VIT: variants seen among roughly 807,000 people sequenced by gnomAD.
VIT encodes vitrin.
In VIT, 99 loss-of-function variants were observed where a neutral mutation model predicts 78.0. The observed-to-expected ratio is 1.27, with a 90% CI of 1.08 to 1.50. The LOEUF is 1.50. VIT is among the 40% of genes most tolerant of loss of function. The pLI is 0.00. For synonymous variants in VIT, 374 were observed against 334.3 expected, an observed-to-expected ratio of 1.12 and a Z score of -1.29; for missense variants, 1,126 against 875.3, an observed-to-expected ratio of 1.29 and a Z score of -3.61.
chr2:36,792,117 A>T (rs1665544356), intron 12 of VIT, among the ~76,000 whole-genome samples: 1 of 152,066 alleles, frequency 6.6e-6, no homozygotes, highest in Non-Finnish European at 1.5e-5. Flanking sequence ...CCTGCCTCAG[A>T]CCTATTAAAC....
chr2:36,699,975 C>T (rs145272356), intron 1 of VIT, among the ~76,000 whole-genome samples: 3 of 151,928 alleles, frequency 2.0e-5, no homozygotes, highest in Non-Finnish European at 4.4e-5. Flanking sequence ...GCCTACCCCA[C>T]AGAGCTGTGG....
Position 36,716,403 on chromosome 2 carries a change from T to G in VIT, c.33T>G (p.Ser11=). 1 of 1,614,032 alleles carries G rather than the reference T, an allele frequency of 6.2e-7. No individual in the cohort carries two copies. Among genetic ancestry groups the G allele is most frequent in the Non-Finnish European group, 8.5e-7 (1 of 1,179,922 alleles). The change falls in exon 2 of 16, where the codon TCT becomes TCG. Residue 11 remains serine, a synonymous_variant. Transcript: ENST00000379242. MRTVVLTMKA[S]VIEMFLVLLV... Reference sequence around the variant, plus strand: ...CTGTTGTTCTCACTATGAAGGCATCTGTTATTGAAATGTTCCTTGGTAAGT... The same window carrying G: ...CTGTTGTTCTCACTATGAAGGCATCGGTTATTGAAATGTTCCTTGGTAAGT...
chr2:36,814,119 A>C (rs1368743864), intron 15 of VIT, 64 bp from the exon 16 acceptor site: 2 of 1,571,646 alleles, frequency 1.3e-6, no homozygotes, highest in East Asian at 4.5e-5. Context: ...CCACAAGAAG[A>C]GAGAGATTCT....
At chr2:36,759,892 T>C (rs985747469) in intron 6 of VIT, among the ~76,000 whole-genome samples, 2 of 152,216 alleles carry the variant, frequency 1.3e-5, no homozygotes, top group African/African-American at 4.8e-5. Flanking sequence ...CGGCCTATAC[T>C]ATTACTCTGG....
chr2:36,728,484 A>C (rs1248546099), intron 2 of VIT, among the ~76,000 whole-genome samples: 1 of 152,118 alleles, frequency 6.6e-6, no homozygotes, highest in African/African-American at 2.4e-5. Context: ...TATAAGGTGA[A>C]AAAGATACAG....
At chr2:36,699,028 A>T (rs1161849970) in intron 1 of VIT, among the ~76,000 whole-genome samples, 1 of 152,026 alleles carries the variant, frequency 6.6e-6, no homozygotes, top group African/African-American at 2.4e-5. Context: ...TTTAGAAAGC[A>T]TTTATATAAT....
intron 11 of VIT, among the ~76,000 whole-genome samples, chr2:36,784,218 G>A (rs955364994): frequency 6.6e-6 from 1 of 152,224 alleles, no homozygotes; most frequent in African/African-American, 2.4e-5. Context: ...GAAAGCACCT[G>A]CATATTCCGC....
chr2:36,794,743 T>G (rs1209026380), intron 12 of VIT, among the ~76,000 whole-genome samples: 2 of 152,146 alleles, frequency 1.3e-5, no homozygotes, highest in African/African-American at 2.4e-5. Context: ...CAGAAAGGGT[T>G]TCAGAGGTCC....
chr2:36,718,934 A>G (rs7562591), intron 2 of VIT, among the ~76,000 whole-genome samples: 8,718 of 152,282 alleles, frequency 0.057, 815 homozygotes, highest in African/African-American at 0.2. Context: ...ATTCTAACAT[A>G]CAAGTTAGTA....
At chr2:36,778,344 G>A (rs896163369) in intron 9 of VIT, among the ~76,000 whole-genome samples, 1 of 152,258 alleles carries the variant, frequency 6.6e-6, no homozygotes, top group Non-Finnish European at 1.5e-5. Context: ...CTGGGAGTTG[G>A]GGCAGGCTAC....
At chr2:36,796,658 G>T (rs531815493) in intron 12 of VIT, among the ~76,000 whole-genome samples, 9 of 151,342 alleles carry the variant, frequency 5.9e-5, no homozygotes, top group South Asian at 2.1e-4. Flanking sequence ...GTTGTTGTTT[G>T]TTTGTGTTTG....
chr2:36,732,558 T>C (rs544024191), intron 3 of VIT, among the ~76,000 whole-genome samples: 1 of 152,302 alleles, frequency 6.6e-6, no homozygotes, highest in East Asian at 1.9e-4. Flanking sequence ...TTCAACACTG[T>C]CAGTCTGCTG....
chr2:36,737,991 C>T (rs1667610408), intron 3 of VIT, among the ~76,000 whole-genome samples: 1 of 152,164 alleles, frequency 6.6e-6, no homozygotes, highest in Non-Finnish European at 1.5e-5. Flanking sequence ...GTAGACTCTA[C>T]CCTGGCAATT....
intron 2 of VIT, among the ~76,000 whole-genome samples, chr2:36,727,966 T>C (rs758160486): frequency 6.6e-6 from 1 of 152,220 alleles, no homozygotes; most frequent in Non-Finnish European, 1.5e-5. Flanking sequence ...TCTCACTCTG[T>C]CGCCCAGGCT....
intron 1 of VIT, among the ~76,000 whole-genome samples, chr2:36,710,204 GT>G (rs1043453604): frequency 1.3e-5 from 2 of 152,102 alleles, no homozygotes; most frequent in African/African-American, 2.4e-5. Context: ...AATTTCAAGA[GT>G]TTTTTCATTA....
chr2:36,708,044 C>T (rs139673084), intron 1 of VIT, among the ~76,000 whole-genome samples: 3 of 152,092 alleles, frequency 2.0e-5, no homozygotes, highest in Non-Finnish European at 4.4e-5. Flanking sequence ...CAGACCTCAG[C>T]CAGAGGAATA....
chr2:36,787,455 T>C (rs562454515), intron 12 of VIT, among the ~76,000 whole-genome samples, 179 bp downstream of exon 12: 3 of 152,304 alleles, frequency 2.0e-5, no homozygotes, highest in Admixed American at 2.0e-4. Context: ...CTTTAAGAAA[T>C]CTGAGACTTC....
intron 7 of VIT, among the ~76,000 whole-genome samples, chr2:36,771,296 A>G (rs1043017898): frequency 3.3e-5 from 5 of 152,302 alleles, no homozygotes; most frequent in Admixed American, 3.3e-4. Flanking sequence ...TTGGGAGGCC[A>G]AGGCGGGCGG....
At chr2:36,780,498 G>A (rs148129426) in intron 9 of VIT, among the ~76,000 whole-genome samples, 202 of 152,322 alleles carry the variant, frequency 1.3e-3, no homozygotes, top group African/African-American at 4.6e-3. Flanking sequence ...TATCTTGAAT[G>A]CGGAGACTAT....
Sources: gnomAD v4.1 joint callset for allele counts (sites outside exome capture counted in the v4.1 genomes callset) on GRCh38, gnomAD v4.1.1 for gene constraint, MANE v1.5 for transcripts, NCBI Gene and HGNC (gene_info 2026-07-23, HGNC 2026-07-21) for gene names.